The following SERPINB11 variants were observed in gnomAD, a reference collection of about 807,000 sequenced individuals.
SERPINB11 encodes the protein serpin B11.
In SERPINB11, 32 loss-of-function variants were observed where a neutral mutation model predicts 36.7. The observed-to-expected ratio is 0.87, with a 90% CI of 0.66 to 1.17. The LOEUF (loss-of-function observed/expected upper bound fraction) is 1.17, where lower values mean the gene tolerates loss of function less well. Among genes scored for constraint, SERPINB11 ranks in the 50% most tolerant of loss-of-function variants. SERPINB11 has a pLI of 0.00. For synonymous variants in SERPINB11, 174 were observed against 168.1 expected (o/e 1.04, Z -0.27); for missense variants, 528 against 458.4 (o/e 1.15, Z -1.39).
chr18:63,723,561 G>A lies in SERPINB11; in HGVS notation c.*162G>A. ...ATTTCTTCCAACCATTTCATGAGTT[G>A]TGAAGCTAAGGCTTTGTTAATCATG... On this transcript the variant is annotated 3_prime_UTR_variant, in exon 8 of 8. Transcript: ENST00000544088. 1.7e-6 allele frequency: 1 copy of A among 603,708 alleles called. No homozygotes were observed. The highest frequency in any genetic ancestry group is 2.8e-6 in the Non-Finnish European group (1 of 359,892). 37.4% of individuals were successfully genotyped at this position (603,708 alleles called of 1,614,324 possible).
At chr18:63,721,032 G>A in intron 7 of SERPINB11, 46 bp downstream of exon 7, 1 of 1,456,360 alleles carries the variant, frequency 6.9e-7, no homozygotes, top group Non-Finnish European at 9.5e-7. Context: ...ATGTGTGCAT[G>A]TTAACACACA....
chr18:63,706,640 C>A (rs958540800), intron 1 of SERPINB11, among the ~76,000 whole-genome samples: 4 of 152,074 alleles, frequency 2.6e-5, no homozygotes, highest in African/African-American at 9.7e-5. Context: ...GGCTAACTGG[C>A]CCTAGTGAAC....
chr18:63,716,646 T>G (rs1359073203), intron 5 of SERPINB11, among the ~76,000 whole-genome samples: 1 of 152,164 alleles, frequency 6.6e-6, no homozygotes, highest in South Asian at 2.1e-4. Context: ...TTCTAGATAT[T>G]CTATCATTTT....
intron 1 of SERPINB11, among the ~76,000 whole-genome samples, chr18:63,703,776 C>T (rs369635513): frequency 1.3e-5 from 2 of 152,180 alleles, no homozygotes; most frequent in African/African-American, 4.8e-5. Flanking sequence ...CCAGACCCTC[C>T]GTCTGTTGCA....
chr18:63,707,166 A>G (rs973431750), intron 1 of SERPINB11, among the ~76,000 whole-genome samples: 1 of 152,072 alleles, frequency 6.6e-6, no homozygotes, highest in Admixed American at 6.6e-5. Context: ...GAAGCACATG[A>G]CTCCATGAAA....
At chr18:63,705,066 T>C (rs1914336351) in intron 1 of SERPINB11, among the ~76,000 whole-genome samples, 1 of 152,172 alleles carries the variant, frequency 6.6e-6, no homozygotes, top group African/African-American at 2.4e-5. Flanking sequence ...AAAACTTGTA[T>C]TTTTTTGTTT....
chr18:63,708,011 G>T (rs1278922862), intron 1 of SERPINB11, among the ~76,000 whole-genome samples: 1 of 152,202 alleles, frequency 6.6e-6, no homozygotes, highest in African/African-American at 2.4e-5. Context: ...TAAACTGCTG[G>T]AATGAGCCAT....
chr18:63,710,696 A>C (rs550937444), intron 2 of SERPINB11, among the ~76,000 whole-genome samples: 1 of 152,224 alleles, frequency 6.6e-6, no homozygotes, highest in Non-Finnish European at 1.5e-5. Context: ...TAAATTTATA[A>C]TAAACATAAT....
intron 6 of SERPINB11, 98 bp downstream of exon 6, chr18:63,720,253 G>A: frequency 7.4e-6 from 8 of 1,081,196 alleles, no homozygotes; most frequent in African/African-American, 1.7e-5. Context: ...GAAAATATTG[G>A]TCTAGGTTTC....
Position 63,710,377 on chromosome 18 carries a change from G to A in SERPINB11, c.168+16G>A. 1 of 1,604,446 alleles carries A rather than the reference G, an allele frequency of 6.2e-7. No individual in the cohort carries two copies. Among genetic ancestry groups the A allele is most frequent in the Non-Finnish European group, 8.5e-7 (1 of 1,175,632 alleles). ...ATTGGAGAAGGTATGGAATTCCTCA[G>A]AGGTTTGTTCAGAACCCAGAAGTCT... is the stretch of plus-strand genomic sequence containing the variant. On this transcript the variant is annotated intron_variant, in intron 2 of 7. Coordinates refer to ENST00000544088, the MANE Select transcript of SERPINB11 (RefSeq NM_001370475.1).
Position 63,720,942 on chromosome 18 carries a change from A to T in SERPINB11, c.730A>T (p.Ser244Cys), listed in dbSNP as rs1346365299. Residue 244 changes from serine to cysteine, a missense_variant, in exon 7 of 8, where the codon AGC becomes TGC. Physicochemically the swap from Ser to Cys is moderately radical, Grantham distance 112. Transcript: ENST00000544088. ...LELPYVNNKL[S>C]MIILLPVGIA... ...GCTGCCCTACGTTAACAACAAATTA[A>T]GCATGATTATTCTGCTTCCAGTAGG... is the stretch of plus-strand genomic sequence containing the variant. 6.2e-7 allele frequency: 1 copy of T among 1,609,844 alleles called. No individual in the cohort carries two copies. Among genetic ancestry groups the T allele is most frequent in the African/African-American group, 1.3e-5 (1 of 74,888 alleles).
At chr18:63,709,946 A>AT (rs1914473977) in intron 1 of SERPINB11, among the ~76,000 whole-genome samples, 1 of 152,220 alleles carries the variant, frequency 6.6e-6, no homozygotes, top group Non-Finnish European at 1.5e-5. Flanking sequence ...AGTAAGATAG[A>AT]TTTTAACCAT....
intron 5 of SERPINB11, among the ~76,000 whole-genome samples, chr18:63,717,319 A>G (rs1052292316): frequency 1.3e-5 from 2 of 152,052 alleles, no homozygotes; most frequent in African/African-American, 2.4e-5. Context: ...TCTCTTATAA[A>G]TAGTGCTGCT....
In SERPINB11 at chr18:63,723,463, C is replaced by T. The variant is rs1056117649; in HGVS notation, c.*64C>T. The T allele has an allele frequency of 1.4e-6, 2 of 1,477,856 alleles. No individual in the cohort carries two copies. Among genetic ancestry groups the T allele is most frequent in the African/African-American group, 1.4e-5 (1 of 71,208 alleles). The allele number at this position is 1,477,856 out of a possible 1,614,324, so 91.5% of individuals were successfully genotyped here. On this transcript the variant is annotated 3_prime_UTR_variant, in exon 8 of 8. Transcript: ENST00000544088. ...GTGCAGAGACAATCCTGTGACTTTC[C>T]CACGGCCAAAAAGCTGTTCACACCT...
intron 5 of SERPINB11, among the ~76,000 whole-genome samples, chr18:63,718,013 C>T (rs1262894649): frequency 1.3e-5 from 2 of 151,828 alleles, no homozygotes; most frequent in Non-Finnish European, 2.9e-5. Context: ...AGTTTCATTC[C>T]ATGTGGATGT....
intron 1 of SERPINB11, among the ~76,000 whole-genome samples, chr18:63,709,178 C>G (rs1390670654): frequency 6.6e-6 from 1 of 152,170 alleles, no homozygotes; most frequent in Non-Finnish European, 1.5e-5. Flanking sequence ...TTTTCCTTTT[C>G]CATTTCTATT....
intron 5 of SERPINB11, among the ~76,000 whole-genome samples, chr18:63,717,553 C>G (rs1914700524): frequency 1.3e-5 from 2 of 152,034 alleles, no homozygotes; most frequent in Admixed American, 6.6e-5. Flanking sequence ...GGCTTGTTAA[C>G]TTTAGCCACT....
chr18:63,712,905 T>G (rs926834714), intron 4 of SERPINB11, among the ~76,000 whole-genome samples: 17 of 152,200 alleles, frequency 1.1e-4, no homozygotes, highest in Admixed American at 1.1e-3. Context: ...AGATCCCTAA[T>G]GCTGTCTAAG....
chr18:63,706,984 T>A (rs1914388057), intron 1 of SERPINB11, among the ~76,000 whole-genome samples: 1 of 152,156 alleles, frequency 6.6e-6, no homozygotes, highest in Non-Finnish European at 1.5e-5. Context: ...TGTGGATCTC[T>A]TCTTATTAGA....
Sources: gnomAD v4.1 joint callset for allele counts (sites outside exome capture counted in the v4.1 genomes callset) on GRCh38, gnomAD v4.1.1 for gene constraint, MANE v1.5 for transcripts, NCBI Gene and HGNC (gene_info 2026-07-23, HGNC 2026-07-21) for gene names.